SHC2: variants seen among roughly 807,000 people sequenced by gnomAD.
SHC2 encodes SHC adaptor protein 2.
SHC2 carries 62 observed loss-of-function variants against 60.6 expected under a neutral mutation model. That is an observed-to-expected ratio of 1.02 (90% confidence interval 0.83 to 1.26). SHC2 has a LOEUF of 1.26. Ranked by LOEUF, SHC2 falls within the 50% of genes most tolerant of loss-of-function variation. The probability of loss-of-function intolerance (pLI) is 0.00; values close to 1 mark genes in which losing one functional copy is unlikely to be tolerated. For missense variants in SHC2, 873 were observed against 822.2 expected, an observed-to-expected ratio of 1.06 and a Z score of -0.76; for synonymous variants, 375 against 372.4, an observed-to-expected ratio of 1.01 and a Z score of -0.08.
intron 11 of SHC2, 70 bp from the exon 12 acceptor site, chr19:419,126 T>A (rs1974215372): frequency 6.8e-7 from 1 of 1,481,266 alleles, no homozygotes; most frequent in South Asian, 1.3e-5. Context: ...ATATTGGCGT[T>A]CTGGGGTCCT....
Position 438,790 on chromosome 19 carries a change from G to T in SHC2, c.648C>A (p.Arg216=). ...GGATGGAGATGCTCATGCCGGCAAA[G>T]CGAAGGTTGCTCTTGCCCAGGACGG... ...LASVLGKSNL[R]FAGMSISIHI... The change falls in exon 4 of 13, where the codon CGC becomes CGA. Residue 216 remains arginine, a synonymous_variant. Coordinates refer to ENST00000264554, the MANE Select transcript of SHC2 (RefSeq NM_012435.3). This position sits in a 1 kb window ranked among gnomAD's most constrained non-coding sequence, Gnocchi z 5.0. 1 of 1,576,226 alleles carries T rather than the reference G, an allele frequency of 6.3e-7. No individual in the cohort carries two copies. The highest frequency in any genetic ancestry group is 1.2e-5 in the South Asian group (1 of 85,716).
chr19:460,460 C>T (rs1426974361), intron 1 of SHC2, 69 bp downstream of exon 1: 3 of 687,586 alleles, frequency 4.4e-6, no homozygotes, highest in South Asian at 5.0e-5. Context: ...GTCCGGGGGT[C>T]CCGGAGGAGA....
At chr19:434,483 TGTGA>T (rs569101003) in intron 8 of SHC2, among the ~76,000 whole-genome samples, 987 of 81,942 alleles carry the variant, frequency 0.012, 8 homozygotes, top group African/African-American at 0.041. Flanking sequence ...ATCGTGAGTC[TGTGA>T]GTGAGTGAAA....
intron 1 of SHC2, among the ~76,000 whole-genome samples, chr19:448,027 G>A (rs1414222774): frequency 6.6e-6 from 1 of 152,216 alleles, no homozygotes; most frequent in Non-Finnish European, 1.5e-5. Context: ...CCGGGGCCAG[G>A]GCTGGGGAGG....
At chr19:420,024 G>C (rs923887041) in intron 11 of SHC2, 5 of 152,282 alleles carry the variant, frequency 3.3e-5, no homozygotes, top group African/African-American at 1.2e-4. Flanking sequence ...GCACAATCAC[G>C]TCCTTCTGTG....
rs1974874164 is a variant in SHC2 at position 441,677 on chromosome 19, A to AC, written c.469-746_469-745insG. Among the ~76,000 whole-genome samples, 1 of 152,258 alleles carries AC rather than the reference A, an allele frequency of 6.6e-6. No homozygotes were observed. The highest frequency in any genetic ancestry group is 2.4e-5 in the African/African-American group (1 of 41,462). On this transcript the variant is annotated intron_variant, in intron 1 of 12. Coordinates refer to ENST00000264554, the MANE Select transcript of SHC2 (RefSeq NM_012435.3). This position sits in a 1 kb window ranked among gnomAD's most constrained non-coding sequence, Gnocchi z 4.9. ...GTGGGTGCCAGGAGCCGGGGAATGAAGGCTGACACGAACAGGTTTCCTACT... is the reference window on the plus strand; with the variant it reads ...GTGGGTGCCAGGAGCCGGGGAATGAACGGCTGACACGAACAGGTTTCCTACT...
At chr19:419,287 G>A in intron 11 of SHC2, 1 of 495,800 alleles carries the variant, frequency 2.0e-6, no homozygotes, top group South Asian at 3.9e-5. Flanking sequence ...TTCCTGTCGG[G>A]AGCTGAAAGG....
chr19:429,336 G>A (rs1165637823), intron 9 of SHC2, among the ~76,000 whole-genome samples: 2 of 144,948 alleles, frequency 1.4e-5, no homozygotes, highest in Non-Finnish European at 1.5e-5. Context: ...TGTGGATGAC[G>A]CAGTACCTAT....
At chr19:434,619 A>C in intron 8 of SHC2, 90 bp downstream of exon 8, 1 of 1,298,892 alleles carries the variant, frequency 7.7e-7, no homozygotes, top group Non-Finnish European at 1.0e-6. Flanking sequence ...GATCGAGGAG[A>C]ACAGGAGCAG....
chr19:450,178 G>A (rs540672282), intron 1 of SHC2, among the ~76,000 whole-genome samples: 2 of 151,912 alleles, frequency 1.3e-5, no homozygotes, highest in South Asian at 2.1e-4. Flanking sequence ...GCTACAGGAG[G>A]GGGGGGACTC....
intron 1 of SHC2, among the ~76,000 whole-genome samples, chr19:451,567 G>T (rs1279786502): frequency 6.6e-6 from 1 of 152,140 alleles, no homozygotes; most frequent in Non-Finnish European, 1.5e-5. Flanking sequence ...TGAAATTGGT[G>T]GATCATAAGG....
chr19:457,664 G>A (rs1470939220), intron 1 of SHC2, among the ~76,000 whole-genome samples: 2 of 152,178 alleles, frequency 1.3e-5, no homozygotes. Flanking sequence ...ATTTCCTGCA[G>A]TGACGGAAAG....
At position 440,429 on chromosome 19, in the gene SHC2, C is replaced by T. The variant is rs922912485; in HGVS notation, c.539+433G>A. On this transcript the variant is annotated intron_variant, in intron 2 of 12. Transcript: ENST00000264554. This position sits in a 1 kb window ranked among gnomAD's most constrained non-coding sequence, Gnocchi z 7.0. ...CAGTTTTCACAGAAAAAAAGGGTGT[C>T]GCTCTCTTCCCTGCTTAAGCCCTGG... 6.6e-6 allele frequency among the ~76,000 whole-genome samples: 1 copy of T among 152,126 alleles called. No individual in the cohort carries two copies. Among genetic ancestry groups the T allele is most frequent in the African/African-American group, 2.4e-5 (1 of 41,420 alleles).
intron 11 of SHC2, among the ~76,000 whole-genome samples, chr19:421,742 G>A (rs1974277603): frequency 6.6e-6 from 1 of 152,008 alleles, no homozygotes. Context: ...AACGTGGCAA[G>A]GCCCCATCTC....
chr19:427,302 G>A (rs898740719), intron 9 of SHC2, among the ~76,000 whole-genome samples: 1 of 152,270 alleles, frequency 6.6e-6, no homozygotes, highest in Non-Finnish European at 1.5e-5. Context: ...GGCACCGCCG[G>A]TAACGTGATT....
chr19:440,764 C>A lies in SHC2; in HGVS notation c.539+98G>T. 1.9e-6 allele frequency: 2 copies of A among 1,035,126 alleles called. No individual in the cohort carries two copies. Among genetic ancestry groups the A allele is most frequent in the Non-Finnish European group, 3.0e-6 (2 of 667,270 alleles). The allele number at this position is 1,035,126 out of a possible 1,614,324, so 64.1% of individuals were successfully genotyped here. On this transcript the variant is annotated intron_variant, in intron 2 of 12. Transcript: ENST00000264554. The surrounding 1 kb of genome is among the most constrained non-coding windows in gnomAD (Gnocchi z 7.0). The stretch of plus-strand genomic sequence containing the variant: ...CCGAGGCTGCGTCCTGGGACCCCAG[C>A]GCGGCTGTCGGAGAGCCCATCGCTG...
At chr19:428,448 C>T (rs1974474213) in intron 9 of SHC2, among the ~76,000 whole-genome samples, 1 of 152,190 alleles carries the variant, frequency 6.6e-6, no homozygotes, top group Non-Finnish European at 1.5e-5. Flanking sequence ...ATGATGTAAC[C>T]ATGAGGAAGT....
intron 1 of SHC2, among the ~76,000 whole-genome samples, chr19:442,487 G>A (rs560505460): frequency 7.3e-4 from 75 of 102,448 alleles, no homozygotes; most frequent in East Asian, 2.9e-3. Flanking sequence ...GGGTGGATGG[G>A]TGGATGGATG....
intron 12 of SHC2, among the ~76,000 whole-genome samples, chr19:417,733 T>A (rs1301579368): frequency 1.3e-5 from 2 of 152,186 alleles, no homozygotes; most frequent in Non-Finnish European, 2.9e-5. Context: ...GGAGCCCGTG[T>A]GCCACAGGCC....
Sources: allele counts gnomAD v4.1 joint callset (sites outside exome capture counted in the v4.1 genomes callset), GRCh38; gene constraint gnomAD v4.1.1; non-coding constraint Gnocchi (gnomAD v3.1); transcripts MANE v1.5; gene names NCBI Gene and HGNC (gene_info 2026-07-23, HGNC 2026-07-21).